Variants in NEK9 observed in about 807,000 individuals in gnomAD.
NEK9 encodes the protein NIMA related kinase 9.
Under a neutral mutation model 123.4 loss-of-function variants are expected in NEK9, and 75 were observed. That is an observed-to-expected ratio of 0.61 (90% CI 0.50 to 0.74). The LOEUF is 0.74. Ranked by LOEUF, NEK9 falls within the 30% of genes least tolerant of loss-of-function variation. The pLI is 0.00. For missense variants in NEK9, 952 were observed against 1,214.4 expected (o/e 0.78, Z 3.21); for synonymous variants, 438 against 458.7 (o/e 0.95, Z 0.58).
Position 75,118,895 on chromosome 14 carries a change from G to C in NEK9, c.565C>G (p.Leu189Val). The change falls in exon 5 of 22, where the codon CTG becomes GTG. Residue 189 changes from leucine (L) to valine (V), a missense_variant. This residue lies in a region of NEK9 where 106 missense variants were observed against 153.0 expected (regional missense o/e 0.69). Transcript: ENST00000238616. ...AGGCCATAATCTCCAAGTTTTATCA[G>C]GTTTGCCTTGGTCAGAAAAATATTT... ...TLNIFLTKAN[L>V]IKLGDYGLAK... is the part of the protein sequence containing the mutation. The C allele has an allele frequency of 6.2e-7, 1 of 1,608,768 alleles. No homozygotes were observed. Among genetic ancestry groups the C allele is most frequent in the Non-Finnish European group, 8.5e-7 (1 of 1,175,536 alleles).
Position 75,096,936 on chromosome 14 carries a change from A to ATG in NEK9, c.2173+162_2173+163dup, listed in dbSNP as rs1894405585. On this transcript the variant is annotated intron_variant, in intron 17 of 21. Transcript: ENST00000238616. Reference sequence around the variant, plus strand: ...GATAGCAAAGCTCCAGGAAATGACAATGTTCTGTTCCCACCACTAGGCATG... The same window carrying ATG: ...GATAGCAAAGCTCCAGGAAATGACAATGTGTTCTGTTCCCACCACTAGGCATG... 4 of 464,190 alleles carry ATG rather than the reference A, an allele frequency of 8.6e-6. No individual in the cohort carries two copies. The South Asian group carries it at 4.2e-4, about 49-fold the overall frequency. The allele number at this position is 464,190 out of a possible 1,614,324, so 28.8% of individuals were successfully genotyped here.
chr14:75,121,195 G>A, intron 2 of NEK9, 21 bp from the exon 3 acceptor site: 1 of 1,598,352 alleles, frequency 6.3e-7, no homozygotes, highest in Non-Finnish European at 8.6e-7. Context: ...ACAAGACACA[G>A]ATTTGAATTG....
chr14:75,107,291 C>A, intron 11 of NEK9, 52 bp downstream of exon 11: 2 of 1,582,588 alleles, frequency 1.3e-6, no homozygotes, highest in East Asian at 2.3e-5. Flanking sequence ...CAGCATTAAG[C>A]AAAATACCCC....
Position 75,103,986 on chromosome 14 carries a change from G to A in NEK9, c.1587C>T (p.Pro529=). The A allele has an allele frequency of 6.2e-7, 1 of 1,607,680 alleles. No homozygotes were observed. Among genetic ancestry groups the A allele is most frequent in the Non-Finnish European group, 8.5e-7 (1 of 1,178,320 alleles). The change falls in exon 14 of 22, where the codon CCC becomes CCT. Residue 529 remains proline (P), a synonymous_variant. Coordinates refer to ENST00000238616, the MANE Select transcript of NEK9 (RefSeq NM_033116.6). ...GAACTGCAACAATAATCAAGGCCTT[G>A]GGAACATCCACCTGCAAGAAAAAAA... ...DYYTPQKVDV[P]KALIIVAVQC...
intron 6 of NEK9, 95 bp from the exon 7 acceptor site, chr14:75,114,408 A>G (rs917511111): frequency 7.2e-6 from 7 of 966,662 alleles, no homozygotes; most frequent in African/African-American, 4.8e-5. Context: ...ACCATTATTT[A>G]AAGAATTGGC....
rs1479582602 is a variant in NEK9, at chr14:75,091,308, T to G, written c.2404A>C (p.Asn802His). 6.2e-7 allele frequency: 1 copy of G among 1,613,470 alleles called. No homozygotes were observed. The highest frequency in any genetic ancestry group is 8.5e-7 in the Non-Finnish European group (1 of 1,179,836). ...CCAGGACAGGAGCTGCTGGCCCCAT[T>G]ACTGTTCCCCATGGCCTCTGTGGGA... ...ISPTEAMGNS[N>H]GASSSCPGWL... The change falls in exon 19 of 22, where the codon AAT becomes CAT. Residue 802 changes from asparagine (N) to histidine (H), a missense_variant. Physicochemically the swap from Asn to His is moderately conservative, Grantham distance 68. Around this residue, in one of 4 missense-constraint regions of NEK9, gnomAD observed 698 missense variants for 875.6 expected, o/e 0.80. Transcript: ENST00000238616.
chr14:75,119,342 GA>G (rs1895246982), intron 4 of NEK9, among the ~76,000 whole-genome samples: 1 of 152,046 alleles, frequency 6.6e-6, no homozygotes. Flanking sequence ...AACAAAAAAA[GA>G]GTGTTACCAT....
At position 75,121,179 on chromosome 14, in the gene NEK9, A is replaced by G; in HGVS notation, c.398-5T>C. On this transcript the variant is annotated splice_region_variant and splice_polypyrimidine_tract_variant and intron_variant, in intron 2 of 21. Transcript: ENST00000238616. ...TTTTGTCATACAGGTTCCCTCCTGC[A>G]ATTAAACAAGACACAGATTTGAATT... The G allele has an allele frequency of 6.2e-7, 1 of 1,612,686 alleles. No individual in the cohort carries two copies. Among genetic ancestry groups the G allele is most frequent in the Non-Finnish European group, 8.5e-7 (1 of 1,178,718 alleles).
At position 75,126,722 on chromosome 14, in the gene NEK9, G is replaced by A. The variant is rs1895541817; in HGVS notation, c.200C>T (p.Thr67Met). 6.1e-6 allele frequency: 9 copies of A among 1,478,418 alleles called. No individual in the cohort carries two copies. In the East Asian group the frequency reaches 2.7e-4, roughly 44 times the overall value. The allele number at this position is 1,478,418 out of a possible 1,614,324, so 91.6% of individuals were successfully genotyped here. Reference sequence around the variant, plus strand: ...CGCTACCTCGGTGCGGCGGTACAGCGTGGCTTCCCCGAAGGCGCCGCGGCC... The same window carrying A: ...CGCTACCTCGGTGCGGCGGTACAGCATGGCTTCCCCGAAGGCGCCGCGGCC... ...VLGRGAFGEATLYRRTEDDSL... is the reference protein window; with the variant it reads ...VLGRGAFGEAMLYRRTEDDSL... Residue 67 changes from threonine (T) to methionine (M), a missense_variant, in exon 1 of 22, where the codon ACG (threonine) becomes ATG (methionine). By Grantham distance (81) the Thr-to-Met change is moderately conservative. Around this residue, in one of 4 missense-constraint regions of NEK9, gnomAD observed 120 missense variants for 97.6 expected, o/e 1.23. Coordinates refer to ENST00000238616, the MANE Select transcript of NEK9 (RefSeq NM_033116.6).
At position 75,091,528 on chromosome 14, in the gene NEK9, A is replaced by C. The variant is rs8022874; in HGVS notation, c.2234-50T>G. On this transcript the variant is annotated intron_variant, in intron 18 of 21. Coordinates refer to ENST00000238616, the MANE Select transcript of NEK9 (RefSeq NM_033116.6). ...AGACAGCTTTGCTATGCAGCAAGAC[A>C]GATTTACCATTTGACAACCCTACTT... 4,763 of 1,430,674 alleles carry C rather than the reference A, an allele frequency of 3.3e-3. 149 individuals carry two copies. The African/African-American group carries it at 0.063, about 19-fold the overall frequency. 88.6% of individuals were successfully genotyped at this position (1,430,674 alleles called of 1,614,324 possible). A position where few individuals can be genotyped will look rare whatever the true frequency, so the allele number is the denominator to read the frequency against.
chr14:75,105,618 T>C (rs1011766709), intron 13 of NEK9, among the ~76,000 whole-genome samples: 2 of 152,240 alleles, frequency 1.3e-5, no homozygotes, highest in African/African-American at 2.4e-5. Flanking sequence ...AGAGACAGTA[T>C]ACTGCTTTAC....
chr14:75,095,695 G>A (rs1048840376), intron 17 of NEK9, among the ~76,000 whole-genome samples: 13 of 152,178 alleles, frequency 8.5e-5, no homozygotes, highest in African/African-American at 3.1e-4. Context: ...TTTGAGACCA[G>A]CCTAGGCAAC....
At chr14:75,121,802 G>A (rs1465744603) in intron 2 of NEK9, among the ~76,000 whole-genome samples, 3 of 152,198 alleles carry the variant, frequency 2.0e-5, no homozygotes, top group African/African-American at 4.8e-5. Flanking sequence ...CCTGGGAGGC[G>A]GAGGTTGCAG....
At chr14:75,099,715 G>A (rs981072822) in intron 16 of NEK9, among the ~76,000 whole-genome samples, 9 of 149,748 alleles carry the variant, frequency 6.0e-5, no homozygotes, top group African/African-American at 1.5e-4. Context: ...CTGGGAGGCG[G>A]TAGTTGCAGT....
Position 75,089,149 on chromosome 14 carries a change from C to A in NEK9, c.2443-508G>T, listed in dbSNP as rs570052244. On this transcript the variant is annotated intron_variant, in intron 19 of 21. Coordinates refer to ENST00000238616, the MANE Select transcript of NEK9 (RefSeq NM_033116.6). ...TGGCACAACCATGACTCACTGTAGT[C>A]CTGACCTTTGGGACTCAAATAATCC... 4.6e-5 allele frequency among the ~76,000 whole-genome samples: 7 copies of A among 152,196 alleles called. No homozygotes were observed. In the East Asian group the frequency reaches 1.4e-3, roughly 29 times the overall value.
rs1486376827 is a variant in NEK9 at position 75,080,519 on chromosome 14, T to G, written c.*4045A>C. On this transcript the variant is annotated 3_prime_UTR_variant, in exon 22 of 22. Coordinates refer to ENST00000238616, the MANE Select transcript of NEK9 (RefSeq NM_033116.6). Reference sequence around the variant, plus strand: ...TTTATACAACTTTATCCAAGAAATGTTTAGTGCAAGTAAACATTATAAAGT... The same window carrying G: ...TTTATACAACTTTATCCAAGAAATGGTTAGTGCAAGTAAACATTATAAAGT... 2 of 152,142 alleles carry G rather than the reference T, an allele frequency of 1.3e-5. No homozygotes were observed. Among genetic ancestry groups the G allele is most frequent in the Admixed American group, 1.3e-4 (2 of 15,272 alleles). The allele number at this position is 152,142 out of a possible 1,614,324, so 9.4% of individuals were successfully genotyped here.
intron 12 of NEK9, 92 bp downstream of exon 12, chr14:75,106,410 T>A: frequency 9.7e-7 from 1 of 1,032,706 alleles, no homozygotes; most frequent in Non-Finnish European, 1.5e-6. Flanking sequence ...ACACTTCTCA[T>A]TTAGGGGCTG....
rs1190953147 is a variant in NEK9 at position 75,113,273 on chromosome 14, T to C, written c.938+66A>G. On this transcript the variant is annotated intron_variant, in intron 8 of 21. Transcript: ENST00000238616. ...GAAACACTACTCTTTCTTTTAGTACTCTGATCAAGCCTCTAAAAGTCAACT... is the reference window on the plus strand; with the variant it reads ...GAAACACTACTCTTTCTTTTAGTACCCTGATCAAGCCTCTAAAAGTCAACT... The C allele has an allele frequency of 3.3e-6, 4 of 1,216,012 alleles. No individual in the cohort carries two copies. In the Middle Eastern group the frequency reaches 5.8e-4, roughly 177 times the overall value. 75.3% of individuals were successfully genotyped at this position (1,216,012 alleles called of 1,614,324 possible).
intron 10 of NEK9, 47 bp from the exon 11 acceptor site, chr14:75,107,534 ATTAAAC>A: frequency 6.8e-7 from 1 of 1,470,794 alleles, no homozygotes; most frequent in Non-Finnish European, 9.1e-7. Flanking sequence ...ATTACATTTT[ATTAAAC>A]TTAAATTTTA....
Sources: gnomAD v4.1 joint callset for allele counts (sites outside exome capture counted in the v4.1 genomes callset) on GRCh38, gnomAD v4.1.1 for gene constraint, gnomAD v4.1.1 regional missense constraint, MANE v1.5 for transcripts, NCBI Gene and HGNC (gene_info 2026-07-23, HGNC 2026-07-21) for gene names.